The following PTPN5 variants were observed in gnomAD, a reference collection of about 807,000 sequenced individuals.
PTPN5 encodes the protein protein tyrosine phosphatase non-receptor type 5, also known as tyrosine-protein phosphatase non-receptor type 5.
In PTPN5, 29 loss-of-function variants were observed where a neutral mutation model predicts 73.9. The observed-to-expected ratio is 0.39, with a 90% CI of 0.29 to 0.54. The LOEUF is 0.54. Among genes scored for constraint, PTPN5 ranks in the 20% least tolerant of loss-of-function variants. The pLI is 0.65. For synonymous variants in PTPN5, 267 were observed against 304.7 expected, an observed-to-expected ratio of 0.88 and a Z score of 1.29; for missense variants, 652 against 751.4, an observed-to-expected ratio of 0.87 and a Z score of 1.55.
At chr11:18,764,416 G>A (rs1033679926) in intron 3 of PTPN5, among the ~76,000 whole-genome samples, 12 of 152,198 alleles carry the variant, frequency 7.9e-5, no homozygotes, top group East Asian at 7.7e-4. Flanking sequence ...ATCTTAGACC[G>A]TCTCAACAGG....
At chr11:18,765,477 G>A (rs976532394) in intron 3 of PTPN5, among the ~76,000 whole-genome samples, 1 of 152,132 alleles carries the variant, frequency 6.6e-6, no homozygotes, top group African/African-American at 2.4e-5. Flanking sequence ...CTTACCTCTT[G>A]AAGTCAGCCC....
intron 3 of PTPN5, among the ~76,000 whole-genome samples, chr11:18,746,889 T>G (rs147994132): frequency 1.2e-3 from 178 of 152,318 alleles, no homozygotes; most frequent in Admixed American, 2.0e-3. Flanking sequence ...GCAAGGTCTC[T>G]GCCCACACAC....
rs772323421 is a variant in PTPN5 at position 18,742,459 on chromosome 11, C to T, written c.528G>A (p.Leu176=). 1 of 1,614,072 alleles carries T rather than the reference C, an allele frequency of 6.2e-7. No individual in the cohort carries two copies. Among genetic ancestry groups the T allele is most frequent in the Non-Finnish European group, 8.5e-7 (1 of 1,180,004 alleles). Residue 176 remains leucine (L), a synonymous_variant, in exon 7 of 15, where the codon CTG becomes CTA. Coordinates refer to ENST00000358540, the MANE Select transcript of PTPN5 (RefSeq NM_006906.2). This position sits in a 1 kb window ranked among gnomAD's most constrained non-coding sequence, Gnocchi z 4.1. Reference sequence around the variant, plus strand: ...CTGACTGGCGCCTGTCCTCAGGGGGCAGTGGGGTGGGTGGCTCTGGGGGTG... The same window carrying T: ...CTGACTGGCGCCTGTCCTCAGGGGGTAGTGGGGTGGGTGGCTCTGGGGGTG... ...LRTPPEPPTP[L]PPEDRRQSVS... is the part of the protein sequence containing the mutation.
At position 18,772,751 on chromosome 11, in the gene PTPN5, C is replaced by T. The variant is rs192476881; in HGVS notation, c.-113-680G>A. Among the ~76,000 whole-genome samples the T allele has an allele frequency of 6.6e-5, 10 of 152,340 alleles. 1 individual carries two copies. Among genetic ancestry groups the T allele is most frequent in the Admixed American group, 3.3e-4 (5 of 15,308 alleles). On this transcript the variant is annotated intron_variant, in intron 1 of 14. Transcript: ENST00000358540. ...TCATTTGTTCAACCCGTTTACTAAA[C>T]ACCTGCTATGTTCAGGCTACGTGTG... is the stretch of plus-strand genomic sequence containing the variant.
At chr11:18,771,424 T>C (rs1850893179) in intron 2 of PTPN5, among the ~76,000 whole-genome samples, 2 of 152,326 alleles carry the variant, frequency 1.3e-5, no homozygotes, top group South Asian at 4.1e-4. Context: ...CAGGAAGAAC[T>C]GCGTCCTCCC....
At chr11:18,787,862 C>T (rs1851740631) in intron 1 of PTPN5, among the ~76,000 whole-genome samples, 1 of 152,192 alleles carries the variant, frequency 6.6e-6, no homozygotes, top group Admixed American at 6.5e-5. Flanking sequence ...GGGGCTAGAA[C>T]AACCTGGCAT....
chr11:18,779,261 T>C (rs1414753628), intron 1 of PTPN5, among the ~76,000 whole-genome samples: 3 of 151,426 alleles, frequency 2.0e-5, no homozygotes, highest in Non-Finnish European at 4.4e-5. Context: ...TCAGGTTTGG[T>C]GGAAGAGTCT....
In PTPN5 at chr11:18,728,144, C is replaced by T. The variant is rs919308287; in HGVS notation, c.*790G>A. On this transcript the variant is annotated 3_prime_UTR_variant, in exon 15 of 15. Transcript: ENST00000358540. This position sits in a 1 kb window ranked among gnomAD's most constrained non-coding sequence, Gnocchi z 4.1. ...GGACATGGGAACACACGCAGAGCAACACGCAGTGAGACTTCTGGGAAGGCT... is the reference window on the plus strand; with the variant it reads ...GGACATGGGAACACACGCAGAGCAATACGCAGTGAGACTTCTGGGAAGGCT... 2 of 152,664 alleles carry T rather than the reference C, an allele frequency of 1.3e-5. No homozygotes were observed. Among genetic ancestry groups the T allele is most frequent in the African/African-American group, 4.8e-5 (2 of 41,454 alleles). The allele number at this position is 152,664 out of a possible 1,614,324, so 9.5% of individuals were successfully genotyped here.
intron 3 of PTPN5, among the ~76,000 whole-genome samples, chr11:18,757,193 A>G (rs1392661338): frequency 6.6e-6 from 1 of 152,122 alleles, no homozygotes; most frequent in African/African-American, 2.4e-5. Context: ...CCCCATTCCC[A>G]TCCATTGTCT....
intron 2 of PTPN5, among the ~76,000 whole-genome samples, chr11:18,771,608 G>A (rs537628426): frequency 1.3e-5 from 2 of 152,232 alleles, no homozygotes; most frequent in Non-Finnish European, 2.9e-5. Context: ...GCCTGAGCCT[G>A]TTGATGTACA....
chr11:18,755,431 A>C (rs1850086029), intron 3 of PTPN5, among the ~76,000 whole-genome samples: 1 of 152,204 alleles, frequency 6.6e-6, no homozygotes, highest in African/African-American at 2.4e-5. Flanking sequence ...GTAATTTGTT[A>C]TGTAGCAAAA....
chr11:18,746,805 A>G (rs1243279287), intron 3 of PTPN5, among the ~76,000 whole-genome samples: 1 of 152,198 alleles, frequency 6.6e-6, no homozygotes, highest in Non-Finnish European at 1.5e-5. Context: ...AGGAAAAGCT[A>G]CTGCTAAAAG....
chr11:18,789,123 T>A (rs1851800139), intron 1 of PTPN5, among the ~76,000 whole-genome samples: 1 of 152,128 alleles, frequency 6.6e-6, no homozygotes, highest in Non-Finnish European at 1.5e-5. Context: ...TGTCCTTGGA[T>A]GATCTGAAGA....
At chr11:18,792,635 G>A (rs1851973625), upstream of PTPN5, 1 of 152,590 alleles carries the variant, frequency 6.6e-6, no homozygotes, top group Non-Finnish European at 1.5e-5. Context: ...ATCCCCATGG[G>A]GGCTTGAGGC....
intron 1 of PTPN5, among the ~76,000 whole-genome samples, chr11:18,790,003 C>T (rs1851841965): frequency 6.6e-6 from 1 of 151,988 alleles, no homozygotes; most frequent in South Asian, 2.1e-4. Flanking sequence ...CTGAACACTG[C>T]CCTCCTTGCC....
At chr11:18,741,676 G>A (rs996865009) in intron 7 of PTPN5, among the ~76,000 whole-genome samples, 1 of 152,096 alleles carries the variant, frequency 6.6e-6, no homozygotes, top group Non-Finnish European at 1.5e-5. Flanking sequence ...GGGTACCCAG[G>A]TACATAAAGA....
At chr11:18,760,405 C>T (rs1850335213) in intron 3 of PTPN5, among the ~76,000 whole-genome samples, 1 of 152,192 alleles carries the variant, frequency 6.6e-6, no homozygotes, top group Non-Finnish European at 1.5e-5. Flanking sequence ...TGGGCAGTGG[C>T]CTCTTGCTGA....
rs1453852894 is a variant in PTPN5, at chr11:18,788,816, A to ATC, written c.-114+2708_-114+2709insGA. On this transcript the variant is annotated intron_variant, in intron 1 of 14. Coordinates refer to ENST00000358540, the MANE Select transcript of PTPN5 (RefSeq NM_006906.2). ...AGACTTTTGAGGTATGCACCCTTAG[A>ATC]TAAGTGAAAATCCAAGCCTTAATTT... 8.3e-4 allele frequency among the ~76,000 whole-genome samples: 127 copies of ATC among 152,218 alleles called. 2 individuals carry two copies. The highest frequency in any genetic ancestry group is 8.2e-3 in the Admixed American group (125 of 15,286).
intron 3 of PTPN5, among the ~76,000 whole-genome samples, chr11:18,761,034 T>C (rs529102783): frequency 1.3e-5 from 2 of 152,166 alleles, no homozygotes; most frequent in South Asian, 2.1e-4. Flanking sequence ...TAGGGTGGAG[T>C]GTGGACCAAG....
Sources: allele counts gnomAD v4.1 joint callset (sites outside exome capture counted in the v4.1 genomes callset), GRCh38; gene constraint gnomAD v4.1.1; non-coding constraint Gnocchi (gnomAD v3.1); transcripts MANE v1.5; gene names NCBI Gene and HGNC (gene_info 2026-07-23, HGNC 2026-07-21).